The following GPATCH1 variants were observed in gnomAD, a reference collection of about 807,000 sequenced individuals.
GPATCH1 encodes G patch domain-containing protein 1.
In GPATCH1, 73 loss-of-function variants were observed where a neutral mutation model predicts 114.9. The observed-to-expected ratio is 0.64, with a 90% CI of 0.53 to 0.77. The LOEUF (loss-of-function observed/expected upper bound fraction) is 0.77. Ranked by LOEUF, GPATCH1 falls within the 30% of genes least tolerant of loss-of-function variation. GPATCH1 has a pLI of 0.00. For synonymous variants in GPATCH1, 391 were observed against 428.4 expected (o/e 0.91, Z 1.08); for missense variants, 1,058 against 1,144.3 (o/e 0.92, Z 1.09).
At chr19:33,085,813 G>A (rs1323179847) in intron 1 of GPATCH1, among the ~76,000 whole-genome samples, 4 of 152,184 alleles carry the variant, frequency 2.6e-5, no homozygotes, top group East Asian at 1.9e-4. Flanking sequence ...GAGTTGTTCC[G>A]TCACTGGTTA....
chr19:33,111,662 T>TCTCTTGTAAGCCCC (rs1199503137), intron 11 of GPATCH1, 62 bp from the exon 12 acceptor site: 1 of 1,471,548 alleles, frequency 6.8e-7, no homozygotes, highest in Non-Finnish European at 9.4e-7. Flanking sequence ...CAGCAGATGT[T>TCTCTTGTAAGCCCC]CTCTTGTAAG....
At position 33,097,864 on chromosome 19, in the gene GPATCH1, A is replaced by G. The variant is rs139753668; in HGVS notation, c.962A>G (p.Tyr321Cys). The G allele has an allele frequency of 1.1e-3, 1,789 of 1,613,980 alleles. 4 individuals carry two copies. Among genetic ancestry groups the G allele is most frequent in the Non-Finnish European group, 1.4e-3 (1,697 of 1,179,960 alleles). The change falls in exon 8 of 20, where the codon TAT (tyrosine) becomes TGT (cysteine). Residue 321 changes from tyrosine (Y) to cysteine (C), a missense_variant. By Grantham distance (194) the Tyr-to-Cys change is radical. Coordinates refer to ENST00000170564, the MANE Select transcript of GPATCH1 (RefSeq NM_018025.3). ...LKDEEPGDGL[Y>C]GWTAPRQYKN... ...GACGAGGAGCCTGGAGACGGACTCT[A>G]TGGCTGGACAGCACCCAGGCAGTAT...
chr19:33,099,719 C>T (rs1436561235), intron 8 of GPATCH1, among the ~76,000 whole-genome samples: 1 of 151,822 alleles, frequency 6.6e-6, no homozygotes, highest in Non-Finnish European at 1.5e-5. Flanking sequence ...TTGCCTCAGC[C>T]TCCTGAGTAA....
At position 33,117,815 on chromosome 19, in the gene GPATCH1, G is replaced by A. The variant is rs1201896540; in HGVS notation, c.2197-10G>A. The A allele has an allele frequency of 6.2e-7, 1 of 1,602,118 alleles. No individual in the cohort carries two copies. The highest frequency in any genetic ancestry group is 8.5e-7 in the Non-Finnish European group (1 of 1,170,294). ...CTGTATCCCTGACTCTTATTTCACT[G>A]TCAATACAGACCGTCAACAAAGATG... On this transcript the variant is annotated splice_polypyrimidine_tract_variant and intron_variant, in intron 15 of 19. Coordinates refer to ENST00000170564, the MANE Select transcript of GPATCH1 (RefSeq NM_018025.3).
intron 15 of GPATCH1, 75 bp from the exon 16 acceptor site, chr19:33,117,750 G>C: frequency 1.0e-6 from 1 of 984,638 alleles, no homozygotes; most frequent in Non-Finnish European, 1.6e-6. Context: ...GTGTGTCTGG[G>C]AGTGTATTCT....
At position 33,130,496 on chromosome 19, in the gene GPATCH1, C is replaced by A; in HGVS notation, c.*336C>A. ...CTCTCTGGTTTTGTGATGAAGACAGCCTGGACTCACTGAAGGACAAGCGTG... is the reference window on the plus strand; with the variant it reads ...CTCTCTGGTTTTGTGATGAAGACAGACTGGACTCACTGAAGGACAAGCGTG... On this transcript the variant is annotated 3_prime_UTR_variant, in exon 20 of 20. Coordinates refer to ENST00000170564, the MANE Select transcript of GPATCH1 (RefSeq NM_018025.3). 4.9e-6 allele frequency: 1 copy of A among 203,300 alleles called. No individual in the cohort carries two copies. 12.6% of individuals were successfully genotyped at this position (203,300 alleles called of 1,614,324 possible). A position where few individuals can be genotyped will look rare whatever the true frequency, so the allele number is the denominator to read the frequency against.
Position 33,113,906 on chromosome 19 carries a change from G to A in GPATCH1, c.2029+3G>A. On this transcript the variant is annotated splice_donor_region_variant and intron_variant, in intron 14 of 19. Transcript: ENST00000170564. ...ATCACAGCACCGAGGTCCCGACAGT[G>A]AGTAGGGCGTCCCCGGGGTCTCTGA... is the stretch of plus-strand genomic sequence containing the variant. 6.2e-7 allele frequency: 1 copy of A among 1,613,786 alleles called. No homozygotes were observed.
chr19:33,119,456 T>C (rs532409697), intron 17 of GPATCH1, among the ~76,000 whole-genome samples: 31 of 152,198 alleles, frequency 2.0e-4, no homozygotes, highest in Non-Finnish European at 3.7e-4. Context: ...TCCCAGCACT[T>C]TGGGAGGCCG....
At chr19:33,128,722 T>A (rs1973070013) in intron 19 of GPATCH1, among the ~76,000 whole-genome samples, 1 of 150,806 alleles carries the variant, frequency 6.6e-6, no homozygotes, top group Non-Finnish European at 1.5e-5. Flanking sequence ...GTTGTGTGAA[T>A]TCTTTGAGTG....
intron 9 of GPATCH1, among the ~76,000 whole-genome samples, chr19:33,105,998 G>A (rs57505224): frequency 0.02 from 3,027 of 150,218 alleles, 83 homozygotes; most frequent in African/African-American, 0.071. Flanking sequence ...ACAGGTGTGC[G>A]CTACCACGCC....
At chr19:33,107,552 GA>G (rs1972799344) in intron 10 of GPATCH1, among the ~76,000 whole-genome samples, 1 of 152,206 alleles carries the variant, frequency 6.6e-6, no homozygotes, top group Non-Finnish European at 1.5e-5. Context: ...CCGAAAGTCT[GA>G]AAGGGATGAA....
rs1347297025 is a variant in GPATCH1, at chr19:33,093,294, A to G, written c.295-65A>G. ...ACTTTTTTTTTTTAACAGAAATAAA[A>G]CTATGTGATGTATTGTGTATAGTCA... On this transcript the variant is annotated intron_variant, in intron 3 of 19. Coordinates refer to ENST00000170564, the MANE Select transcript of GPATCH1 (RefSeq NM_018025.3). 7 of 1,068,102 alleles carry G rather than the reference A, an allele frequency of 6.6e-6. No individual in the cohort carries two copies. The Admixed American group carries it at 1.5e-4, about 22-fold the overall frequency. The allele number at this position is 1,068,102 out of a possible 1,614,324, so 66.2% of individuals were successfully genotyped here. A position where few individuals can be genotyped will look rare whatever the true frequency, so the allele number is the denominator to read the frequency against.
chr19:33,093,073 A>G (rs1972614436), intron 3 of GPATCH1, among the ~76,000 whole-genome samples: 1 of 152,172 alleles, frequency 6.6e-6, no homozygotes, highest in African/African-American at 2.4e-5. Flanking sequence ...CTGTAATCCC[A>G]GCTACTTGGG....
rs371631785 is a variant in GPATCH1, at chr19:33,093,390, C to G, written c.326C>G (p.Ala109Gly). 1 of 1,612,960 alleles carries G rather than the reference C, an allele frequency of 6.2e-7. No individual in the cohort carries two copies. Among genetic ancestry groups the G allele is most frequent in the Non-Finnish European group, 8.5e-7 (1 of 1,179,146 alleles). The change falls in exon 4 of 20, where the codon GCG becomes GGG. Residue 109 changes from alanine (A) to glycine (G), a missense_variant. This residue lies in a region of GPATCH1 where 34 missense variants were observed against 59.6 expected (regional missense o/e 0.57). Transcript: ENST00000170564. ...DLSEFGIAPK[A>G]IVTTDDFASK... ...AGTGAATTTGGGATAGCACCTAAAGCGATTGTCACCACAGACGATTTTGCC... is the reference window on the plus strand; with the variant it reads ...AGTGAATTTGGGATAGCACCTAAAGGGATTGTCACCACAGACGATTTTGCC...
chr19:33,120,653 C>T (rs117057278), intron 17 of GPATCH1, among the ~76,000 whole-genome samples: 4,631 of 151,486 alleles, frequency 0.031, 152 homozygotes, highest in East Asian at 0.19. Context: ...CCCAGTAGTC[C>T]GAGACAAGCC....
At position 33,109,809 on chromosome 19, in the gene GPATCH1, C is replaced by A; in HGVS notation, c.1378C>A (p.Leu460Ile). The part of the protein sequence containing the change: ...KQATDLKAAQ[L>I]KARSLAQNAQ... Reference sequence around the variant, plus strand: ...GGCAACTGACCTGAAAGCAGCTCAGCTCAAGGCCAGGAGTCTGGCCCAGAA... The same window carrying A: ...GGCAACTGACCTGAAAGCAGCTCAGATCAAGGCCAGGAGTCTGGCCCAGAA... The change falls in exon 11 of 20, where the codon CTC becomes ATC. Residue 460 changes from leucine (L) to isoleucine (I), a missense_variant. Coordinates refer to ENST00000170564, the MANE Select transcript of GPATCH1 (RefSeq NM_018025.3). The A allele has an allele frequency of 1.2e-6, 2 of 1,613,214 alleles. No individual in the cohort carries two copies. Among genetic ancestry groups the A allele is most frequent in the Non-Finnish European group, 1.7e-6 (2 of 1,179,374 alleles).
At chr19:33,122,569 C>G (rs1426063568) in intron 17 of GPATCH1, among the ~76,000 whole-genome samples, 4 of 151,554 alleles carry the variant, frequency 2.6e-5, no homozygotes, top group Non-Finnish European at 4.4e-5. Context: ...GTGATCTGCC[C>G]GCCTCAACCT....
intron 9 of GPATCH1, among the ~76,000 whole-genome samples, chr19:33,105,713 G>A (rs904431491): frequency 2.6e-5 from 4 of 151,866 alleles, no homozygotes; most frequent in East Asian, 2.0e-4. Flanking sequence ...TAGTAGAGAC[G>A]GGGTTTCACC....
chr19:33,091,140 G>A (rs149111272), intron 3 of GPATCH1, among the ~76,000 whole-genome samples: 4,893 of 152,116 alleles, frequency 0.032, 250 homozygotes, highest in African/African-American at 0.11. Context: ...GGCTGGGTGC[G>A]GTGGCTCACG....
Sources: gnomAD v4.1 joint callset for allele counts (sites outside exome capture counted in the v4.1 genomes callset) on GRCh38, gnomAD v4.1.1 for gene constraint, gnomAD v4.1.1 regional missense constraint, MANE v1.5 for transcripts, NCBI Gene and HGNC (gene_info 2026-07-23, HGNC 2026-07-21) for gene names.